GLRA2: variants seen among roughly 807,000 people sequenced by gnomAD.
The protein encoded by GLRA2 is glycine receptor alpha 2.
GLRA2 carries 11 observed loss-of-function variants against 31.6 expected under a neutral mutation model. That is an observed-to-expected ratio of 0.35 (90% CI 0.22 to 0.58). The LOEUF is 0.58. GLRA2 is among the 20% of genes least tolerant of loss of function. The pLI, the probability that GLRA2 is intolerant of heterozygous loss-of-function variation, is 0.84. For synonymous variants in GLRA2, 132 were observed against 134.0 expected, an observed-to-expected ratio of 0.99 and a Z score of 0.10; for missense variants, 212 against 351.8, an observed-to-expected ratio of 0.60 and a Z score of 3.18.
At chrX:14,648,383 A>G (rs769213611) in intron 7 of GLRA2, among the ~76,000 whole-genome samples, 54 of 112,224 alleles carry the variant, frequency 4.8e-4, no homozygotes, top group African/African-American at 1.7e-3. Context: ...TAAATCTTGA[A>G]TAAACATAGA....
At chrX:14,460,217 G>A in the GLRA2 span, among the ~76,000 whole-genome samples, 9 of 111,852 alleles carry the variant, frequency 8.0e-5, no homozygotes, top group African/African-American at 2.9e-4. Context: ...TCCCAGGGAT[G>A]AAGCCGATTT....
At chrX:14,521,304 C>A in the GLRA2 span, among the ~76,000 whole-genome samples, 1 of 111,749 alleles carries the variant, frequency 8.9e-6, no homozygotes, top group African/African-American at 3.3e-5. Context: ...TGGTGGGCAC[C>A]ATTCCATAGG....
At chrX:14,674,581 T>C (rs1601820127) in intron 7 of GLRA2, among the ~76,000 whole-genome samples, 2 of 112,066 alleles carry the variant, frequency 1.8e-5, no homozygotes, top group South Asian at 3.7e-4. Context: ...GGCCCCTACT[T>C]TGATATGAAG....
chrX:14,727,886 G>C (rs182221708), intron 8 of GLRA2, among the ~76,000 whole-genome samples: 13 of 111,469 alleles, frequency 1.2e-4, no homozygotes, highest in Non-Finnish European at 2.1e-4. Context: ...TAGAGCCCTT[G>C]TCCAACTTCA....
chrX:14,568,704 A>AAG (rs2089840861), intron 2 of GLRA2, among the ~76,000 whole-genome samples: 1 of 54,787 alleles, frequency 1.8e-5, no homozygotes, highest in Non-Finnish European at 3.6e-5. Context: ...AAAAAAAAAA[A>AAG]AAAAAGAAAA....
chrX:14,522,424 TG>T, the GLRA2 span, among the ~76,000 whole-genome samples: 1 of 112,027 alleles, frequency 8.9e-6, no homozygotes, highest in Non-Finnish European at 1.9e-5. Flanking sequence ...TCATCCATGA[TG>T]GTTGGCATCA....
chrX:14,687,551 A>G (rs1186381805), intron 7 of GLRA2, among the ~76,000 whole-genome samples: 1 of 111,590 alleles, frequency 9.0e-6, no homozygotes, highest in Non-Finnish European at 1.9e-5. Flanking sequence ...CATTTCATTA[A>G]TTTGATCTTG....
chrX:14,497,505 G>T, the GLRA2 span, among the ~76,000 whole-genome samples: 1 of 110,896 alleles, frequency 9.0e-6, no homozygotes, highest in Non-Finnish European at 1.9e-5. Context: ...GACAGAGAAG[G>T]GTACAAAATG....
At chrX:14,606,877 A>G (rs554467082) in intron 5 of GLRA2, among the ~76,000 whole-genome samples, 4 of 112,134 alleles carry the variant, frequency 3.6e-5, no homozygotes, top group South Asian at 3.7e-4. Flanking sequence ...AGAAATCAAT[A>G]GACTTTTTAG....
chrX:14,507,985 C>A, the GLRA2 span, among the ~76,000 whole-genome samples: 1 of 110,873 alleles, frequency 9.0e-6, no homozygotes, highest in Admixed American at 9.6e-5. Flanking sequence ...TGAGCCACTG[C>A]GAGACATTCT....
chrX:14,512,756 AATC>A, the GLRA2 span, among the ~76,000 whole-genome samples: 2 of 111,999 alleles, frequency 1.8e-5, no homozygotes, highest in African/African-American at 6.5e-5. Context: ...TGCTGAAAGA[AATC>A]ATAGATGACA....
At chrX:14,483,377 C>T in the GLRA2 span, among the ~76,000 whole-genome samples, 2 of 111,922 alleles carry the variant, frequency 1.8e-5, no homozygotes, top group African/African-American at 6.5e-5. Flanking sequence ...GTGACTTAGG[C>T]CTAACGTGAC....
chrX:14,573,278 T>G (rs2089909377), intron 2 of GLRA2, among the ~76,000 whole-genome samples: 1 of 111,739 alleles, frequency 8.9e-6, no homozygotes, highest in South Asian at 3.7e-4. Context: ...GGTTTAAAAA[T>G]GCAGTGTTTA....
chrX:14,454,570 T>TAA, the GLRA2 span, among the ~76,000 whole-genome samples: 2,506 of 87,646 alleles, frequency 0.029, 87 homozygotes, highest in Admixed American at 0.13. Flanking sequence ...GCCCTCAAGG[T>TAA]AAAAAAAAAA....
Position 14,611,200 on chromosome X carries a change from T to C in GLRA2, c.930+1995T>C, listed in dbSNP as rs2090393240. On this transcript the variant is annotated intron_variant, in intron 7 of 8. Coordinates refer to ENST00000218075, the MANE Select transcript of GLRA2 (RefSeq NM_002063.4). ...TATACATGCACATGCATGTAAATAC[T>C]CATTTTAATTTATAAACACTGCAAT... 4.4e-5 allele frequency among the ~76,000 whole-genome samples: 5 copies of C among 112,762 alleles called. No homozygotes were observed. In the South Asian group the frequency reaches 1.8e-3, roughly 41 times the overall value.
At chrX:14,606,078 T>G (rs2090330475) in intron 5 of GLRA2, among the ~76,000 whole-genome samples, 1 of 107,199 alleles carries the variant, frequency 9.3e-6, no homozygotes, top group African/African-American at 3.4e-5. Context: ...TAGATTACAA[T>G]TAAACTTGCC....
At chrX:14,566,096 C>G (rs1041233322) in intron 2 of GLRA2, among the ~76,000 whole-genome samples, 4 of 111,394 alleles carry the variant, frequency 3.6e-5, no homozygotes, top group Non-Finnish European at 7.6e-5. Flanking sequence ...AAAAAGAGGA[C>G]TCAACCAAAA....
At chrX:14,514,167 A>G in the GLRA2 span, among the ~76,000 whole-genome samples, 3 of 110,822 alleles carry the variant, frequency 2.7e-5, no homozygotes, top group East Asian at 8.5e-4. Flanking sequence ...AAAACCAAAC[A>G]TCATATGTTC....
the GLRA2 span, among the ~76,000 whole-genome samples, chrX:14,509,846 A>C: frequency 8.9e-6 from 1 of 112,247 alleles, no homozygotes; most frequent in Non-Finnish European, 1.9e-5. Flanking sequence ...ACCTGAGTTT[A>C]TAGTAAAGTG....
Sources: gnomAD v4.1 joint callset for allele counts (sites outside exome capture counted in the v4.1 genomes callset) on GRCh38, gnomAD v4.1.1 for gene constraint, MANE v1.5 for transcripts, NCBI Gene and HGNC (gene_info 2026-07-23, HGNC 2026-07-21) for gene names.